DRAXIN: variants seen among roughly 807,000 people sequenced by gnomAD.
DRAXIN encodes dorsal inhibitory axon guidance protein.
In DRAXIN, 27 loss-of-function variants were observed where a neutral mutation model predicts 33.9. That is an observed-to-expected ratio of 0.80 (90% confidence interval 0.59 to 1.10). The LOEUF (loss-of-function observed/expected upper bound fraction) is 1.10, where lower values mean the gene tolerates loss of function less well. Ranked by LOEUF, DRAXIN falls within the 50% of genes least tolerant of loss-of-function variation. The probability of loss-of-function intolerance (pLI) is 0.00; values close to 1 mark genes in which losing one functional copy is unlikely to be tolerated. For synonymous variants in DRAXIN, 178 were observed against 194.0 expected (o/e 0.92, Z 0.69); for missense variants, 371 against 460.8 (o/e 0.81, Z 1.78).
At chr1:11,697,565 C>T (rs1171683851) in intron 1 of DRAXIN, among the ~76,000 whole-genome samples, 2 of 152,226 alleles carry the variant, frequency 1.3e-5, no homozygotes, top group Non-Finnish European at 2.9e-5. Flanking sequence ...CTGGTTCCCT[C>T]CTATCCCAAT....
In DRAXIN at chr1:11,694,458, G is replaced by A. The variant is rs1641158977; in HGVS notation, c.-11+2605G>A. 6.6e-6 allele frequency among the ~76,000 whole-genome samples: 1 copy of A among 152,032 alleles called. No individual in the cohort carries two copies. Among genetic ancestry groups the A allele is most frequent in the Non-Finnish European group, 1.5e-5 (1 of 68,004 alleles). ...GGGTGGTCTCTGTGCCTGTTATAGG[G>A]GTAGAAACTGAGACCAGAGAACGAA... On this transcript the variant is annotated intron_variant, in intron 1 of 6. Transcript: ENST00000294485. This position sits in a 1 kb window ranked among gnomAD's most constrained non-coding sequence, Gnocchi z 4.9.
chr1:11,700,706 T>C (rs376822768), intron 1 of DRAXIN, among the ~76,000 whole-genome samples: 2 of 152,198 alleles, frequency 1.3e-5, no homozygotes, highest in East Asian at 3.9e-4. Flanking sequence ...TGGGCTCCGG[T>C]TCTCCCCGTG....
At position 11,705,771 on chromosome 1, in the gene DRAXIN, G is replaced by A. The variant is rs561209641; in HGVS notation, c.-10-478G>A. On this transcript the variant is annotated intron_variant, in intron 1 of 6. Transcript: ENST00000294485. The surrounding 1 kb of genome is among the most constrained non-coding windows in gnomAD (Gnocchi z 4.8). ...AACGTGGGTCCTGCCTACAGCGTGCGCTCAAACGCTATTATTCCATTTGTA... is the reference window on the plus strand; with the variant it reads ...AACGTGGGTCCTGCCTACAGCGTGCACTCAAACGCTATTATTCCATTTGTA... Among the ~76,000 whole-genome samples, 4 of 152,140 alleles carry A rather than the reference G, an allele frequency of 2.6e-5. No homozygotes were observed. The highest frequency in any genetic ancestry group is 5.9e-5 in the Non-Finnish European group (4 of 68,030).
chr1:11,706,284 C>T lies in DRAXIN; in HGVS notation c.26C>T (p.Ala9Val), dbSNP rs1641378352. 6.2e-7 allele frequency: 1 copy of T among 1,610,074 alleles called. No homozygotes were observed. Among genetic ancestry groups the T allele is most frequent in the Non-Finnish European group, 8.5e-7 (1 of 1,178,424 alleles). The change falls in exon 2 of 7, where the codon GCT becomes GTT. Residue 9 changes from alanine to valine, a missense_variant. Physicochemically the swap from Ala to Val is moderately conservative, Grantham distance 64 (BLOSUM62 0). Coordinates refer to ENST00000294485, the MANE Select transcript of DRAXIN (RefSeq NM_198545.4). The surrounding 1 kb of genome is among the most constrained non-coding windows in gnomAD (Gnocchi z 5.5). The stretch of plus-strand genomic sequence containing the variant: ...ATGGCTGGGCCTGCCATCCACACCG[C>T]TCCCATGCTGTTCCTCGTCCTCCTG... MAGPAIHT[A>V]PMLFLVLLLP...
rs1295785147 is a variant in DRAXIN, at chr1:11,706,354, C to A, written c.96C>A (p.Thr32=). 2.5e-6 allele frequency: 4 copies of A among 1,613,892 alleles called. No individual in the cohort carries two copies. The South Asian group carries it at 3.3e-5, about 13-fold the overall frequency. ...TGGCAGGCGCCCTTGCACCTGGGAC[C>A]CCTGCCCGGAACCTCCCTGAGAATC... ...LSLAGALAPG[T]PARNLPENHI... Residue 32 remains threonine, a synonymous_variant, in exon 2 of 7, where the codon ACC becomes ACA. Coordinates refer to ENST00000294485, the MANE Select transcript of DRAXIN (RefSeq NM_198545.4). The surrounding 1 kb of genome is among the most constrained non-coding windows in gnomAD (Gnocchi z 5.5).
intron 1 of DRAXIN, among the ~76,000 whole-genome samples, chr1:11,703,338 G>T (rs1384960843): frequency 6.6e-6 from 1 of 152,222 alleles, no homozygotes; most frequent in Non-Finnish European, 1.5e-5. Flanking sequence ...AGTCCCAAAG[G>T]ATGGGCAGGA....
chr1:11,710,685 C>G (rs35457745), intron 3 of DRAXIN, among the ~76,000 whole-genome samples: 53,670 of 147,710 alleles, frequency 0.36, 10,064 homozygotes, highest in East Asian at 0.53. Context: ...GAGGCCAAGG[C>G]GGGCAGATCA....
In DRAXIN at chr1:11,709,409, G is replaced by A; in HGVS notation, c.586G>A (p.Ala196Thr). 1 of 1,613,866 alleles carries A rather than the reference G, an allele frequency of 6.2e-7. No homozygotes were observed. The highest frequency in any genetic ancestry group is 1.1e-5 in the South Asian group (1 of 91,040). ...PTMFFLTTFE[A>T]APATEESLIL... ...CATGTTCTTTCTCACCACCTTTGAG[G>A]CAGCACCTGCCACAGAAGAGTCCCT... Residue 196 changes from alanine to threonine, a missense_variant, in exon 3 of 7, where the codon GCA becomes ACA. Ala to Thr is a moderately conservative substitution (Grantham distance 58). Transcript: ENST00000294485.
rs972778741 is a variant in DRAXIN at position 11,719,960 on chromosome 1, A to C, written c.*264A>C. The C allele has an allele frequency of 4.0e-5, 19 of 474,244 alleles. No individual in the cohort carries two copies. In the East Asian group the frequency reaches 6.2e-4, roughly 15 times the overall value. 29.4% of individuals were successfully genotyped at this position (474,244 alleles called of 1,614,324 possible). On this transcript the variant is annotated 3_prime_UTR_variant, in exon 7 of 7. Coordinates refer to ENST00000294485, the MANE Select transcript of DRAXIN (RefSeq NM_198545.4). ...CTTGCTCTCCGCGATGGCAATGCCG[A>C]GAGTGCCCTCTACTGTCCGACTCCA... is the stretch of plus-strand genomic sequence containing the variant.
chr1:11,703,041 C>A (rs1293149668), intron 1 of DRAXIN, among the ~76,000 whole-genome samples: 1 of 152,218 alleles, frequency 6.6e-6, no homozygotes, highest in Non-Finnish European at 1.5e-5. Flanking sequence ...CTGTGCCCGG[C>A]CTGATACATA....
Position 11,706,524 on chromosome 1 carries a change from G to A in DRAXIN, c.266G>A (p.Arg89Lys). Residue 89 changes from arginine (R) to lysine (K), a missense_variant, in exon 2 of 7, where the codon AGG becomes AAG. By Grantham distance (26) the Arg-to-Lys change is conservative (BLOSUM62 2). Coordinates refer to ENST00000294485, the MANE Select transcript of DRAXIN (RefSeq NM_198545.4). The surrounding 1 kb of genome is among the most constrained non-coding windows in gnomAD (Gnocchi z 5.5). ...GTCACCGCCACCAGGCAGGCCTCCA[G>A]GCTGCCAGAGGCTGAGGGGCTGCTG... is the stretch of plus-strand genomic sequence containing the variant. ...AVVTATRQAS[R>K]LPEAEGLLPE... 2 of 1,611,714 alleles carry A rather than the reference G, an allele frequency of 1.2e-6. No individual in the cohort carries two copies. Among genetic ancestry groups the A allele is most frequent in the Admixed American group, 1.7e-5 (1 of 59,804 alleles).
rs558674816 is a variant in DRAXIN, at chr1:11,720,165, A to G, written c.*469A>G. On this transcript the variant is annotated 3_prime_UTR_variant, in exon 7 of 7. Transcript: ENST00000294485. ...TTGAATTATCACAACGACCTTTTCA[A>G]GTAGGCATTATCACCATGCGACAGG... 1 of 163,818 alleles carries G rather than the reference A, an allele frequency of 6.1e-6. No individual in the cohort carries two copies. Among genetic ancestry groups the G allele is most frequent in the African/African-American group, 2.4e-5 (1 of 42,172 alleles). The allele number at this position is 163,818 out of a possible 1,614,324, so 10.1% of individuals were successfully genotyped here. A position where few individuals can be genotyped will look rare whatever the true frequency, so the allele number is the denominator to read the frequency against.
At chr1:11,689,037 T>C (rs1570297863), upstream of DRAXIN, among the ~76,000 whole-genome samples, 1 of 152,178 alleles carries the variant, frequency 6.6e-6, no homozygotes, top group Non-Finnish European at 1.5e-5. Flanking sequence ...GGCTTACCCC[T>C]GTAACCCTAG....
At position 11,705,957 on chromosome 1, in the gene DRAXIN, CG is replaced by C. The variant is rs1641370266; in HGVS notation, c.-10-287del. Among the ~76,000 whole-genome samples the C allele has an allele frequency of 6.6e-6, 1 of 151,988 alleles. No individual in the cohort carries two copies. ...TGAATGCTGCTGAAATGATTTAAGCCGGGGGTTCTCAGCCTCGGTACTGTTG... is the reference window on the plus strand; with the variant it reads ...TGAATGCTGCTGAAATGATTTAAGCCGGGGTTCTCAGCCTCGGTACTGTTG... On this transcript the variant is annotated intron_variant, in intron 1 of 6. Transcript: ENST00000294485. The surrounding 1 kb of genome is among the most constrained non-coding windows in gnomAD (Gnocchi z 4.8).
At position 11,706,618 on chromosome 1, in the gene DRAXIN, C is replaced by T. The variant is rs369566278; in HGVS notation, c.360C>T (p.Pro120=). 28 of 1,602,012 alleles carry T rather than the reference C, an allele frequency of 1.7e-5. No homozygotes were observed. The highest frequency in any genetic ancestry group is 2.3e-5 in the Non-Finnish European group (27 of 1,179,520). Residue 120 remains proline (P), a synonymous_variant, in exon 2 of 7, where the codon CCC becomes CCT. Coordinates refer to ENST00000294485, the MANE Select transcript of DRAXIN (RefSeq NM_198545.4). The surrounding 1 kb of genome is among the most constrained non-coding windows in gnomAD (Gnocchi z 5.5). ...TCCTGGGACTGGCATTGCCCTACCC[C>T]GAGAAGGAGAACCGACCTCCAGGTT... ...DLLLGLALPY[P]EKENRPPGWE... is the part of the protein sequence containing the mutation.
upstream of DRAXIN, among the ~76,000 whole-genome samples, chr1:11,688,560 C>CA (rs35208427): frequency 1.5e-3 from 227 of 147,086 alleles, no homozygotes; most frequent in Middle Eastern, 7.0e-3. This position sits in a 1 kb window ranked among gnomAD's most constrained non-coding sequence, Gnocchi z 4.6. Flanking sequence ...GACTGCATCT[C>CA]AAAAAAAAAA....
In DRAXIN at chr1:11,719,606, C is replaced by T. The variant is rs1641630378; in HGVS notation, c.960C>T (p.Phe320=). The stretch of plus-strand genomic sequence containing the variant: ...CAGGGCTGCGCTGCTATGCCAAATT[C>T]CACCGGAACCGCAGGGTTACACGGA... ...CVEGLRCYAK[F]HRNRRVTRRK... is the part of the protein sequence containing the mutation. The change falls in exon 7 of 7, where the codon TTC becomes TTT. Residue 320 remains phenylalanine (F), a synonymous_variant. Coordinates refer to ENST00000294485, the MANE Select transcript of DRAXIN (RefSeq NM_198545.4). 4 of 1,613,530 alleles carry T rather than the reference C, an allele frequency of 2.5e-6. No individual in the cohort carries two copies. The highest frequency in any genetic ancestry group is 3.3e-5 in the Admixed American group (2 of 59,978).
chr1:11,707,738 C>T (rs1048865234), intron 2 of DRAXIN, among the ~76,000 whole-genome samples: 7 of 152,288 alleles, frequency 4.6e-5, no homozygotes, highest in African/African-American at 1.7e-4. Context: ...TTAACGTTTC[C>T]CCCACATCCG....
intron 3 of DRAXIN, among the ~76,000 whole-genome samples, chr1:11,711,297 T>C (rs1641491822): frequency 6.6e-6 from 1 of 152,192 alleles, no homozygotes; most frequent in African/African-American, 2.4e-5. Flanking sequence ...GAAGGTGCGG[T>C]TCCTGCCCAT....
Sources: gnomAD v4.1 joint callset for allele counts (sites outside exome capture counted in the v4.1 genomes callset) on GRCh38, gnomAD v4.1.1 for gene constraint, Gnocchi (gnomAD v3.1) non-coding constraint, MANE v1.5 for transcripts, NCBI Gene and HGNC (gene_info 2026-07-23, HGNC 2026-07-21) for gene names.